ADGRL4: variants seen among roughly 807,000 people sequenced by gnomAD.
ADGRL4 encodes EGF, latrophilin and seven transmembrane domain containing 1.
In ADGRL4, 90 loss-of-function variants were observed where a neutral mutation model predicts 74.8. The ratio of observed to expected loss-of-function variants is 1.20; its 90% CI spans 1.02 to 1.43. ADGRL4 has a LOEUF of 1.43. Among genes scored for constraint, ADGRL4 ranks in the 40% most tolerant of loss-of-function variants. The pLI, the probability that ADGRL4 is intolerant of heterozygous loss-of-function variation, is 0.00. For missense variants in ADGRL4, 881 were observed against 814.3 expected, an observed-to-expected ratio of 1.08 and a Z score of -1.00; for synonymous variants, 311 against 279.2, an observed-to-expected ratio of 1.11 and a Z score of -1.14.
chr1:78,924,239 C>T (rs1171638862), intron 8 of ADGRL4, among the ~76,000 whole-genome samples: 1 of 151,884 alleles, frequency 6.6e-6, no homozygotes, highest in East Asian at 1.9e-4. Context: ...ATTTATCTAA[C>T]TAATATAAGG....
intron 2 of ADGRL4, among the ~76,000 whole-genome samples, chr1:78,978,888 C>A (rs1018498108): frequency 1.3e-5 from 2 of 151,884 alleles, no homozygotes; most frequent in Admixed American, 1.3e-4. Context: ...TTTGTCCTAA[C>A]ATCCTATAAA....
intron 2 of ADGRL4, among the ~76,000 whole-genome samples, chr1:79,002,072 T>A (rs1650855308): frequency 6.6e-6 from 1 of 152,122 alleles, no homozygotes; most frequent in Non-Finnish European, 1.5e-5. Context: ...ACATTAGCAA[T>A]TTCCTTTGGA....
At position 78,939,220 on chromosome 1, in the gene ADGRL4, T is replaced by C. The variant is rs745409718; in HGVS notation, c.364A>G (p.Ile122Val). Residue 122 changes from isoleucine (I) to valine (V), a missense_variant, in exon 4 of 15, where the codon ATA becomes GTA. By Grantham distance (29) the Ile-to-Val change is conservative. Coordinates refer to ENST00000370742, the MANE Select transcript of ADGRL4 (RefSeq NM_022159.4). ...AAAGTTTTATTAATATTTGCAGCTA[T>C]ACAGACATTATCTAAATGGCAGTTT... Reference protein sequence around the residue: ...NANCHLDNVCIAANINKTLTK... With the variant: ...NANCHLDNVCVAANINKTLTK... 1.3e-6 allele frequency: 2 copies of C among 1,568,338 alleles called. No homozygotes were observed. Among genetic ancestry groups the C allele is most frequent in the African/African-American group, 1.4e-5 (1 of 72,792 alleles).
intron 2 of ADGRL4, among the ~76,000 whole-genome samples, chr1:78,965,368 T>C (rs1650034383): frequency 1.3e-5 from 2 of 152,178 alleles, no homozygotes; most frequent in African/African-American, 4.8e-5. Flanking sequence ...TGCTTGTTTA[T>C]AGTATACAAA....
chr1:78,980,511 A>G (rs1650377135), intron 2 of ADGRL4, among the ~76,000 whole-genome samples: 2 of 151,962 alleles, frequency 1.3e-5, no homozygotes, highest in African/African-American at 4.8e-5. Context: ...TCTATAATTA[A>G]AAGACTTTTA....
In ADGRL4 at chr1:78,957,395, T is replaced by C. The variant is rs1301006572; in HGVS notation, c.173-10969A>G. On this transcript the variant is annotated intron_variant, in intron 2 of 14. Coordinates refer to ENST00000370742, the MANE Select transcript of ADGRL4 (RefSeq NM_022159.4). ...TTGCACCAAACAGCCAAGTTGTGAA[T>C]GCAGAGGAAAAGCTCTTGAAGGAAA... is the stretch of plus-strand genomic sequence containing the variant. Among the ~76,000 whole-genome samples, 4 of 152,164 alleles carry C rather than the reference T, an allele frequency of 2.6e-5. No homozygotes were observed. The East Asian group carries it at 7.7e-4, about 29-fold the overall frequency.
intron 2 of ADGRL4, among the ~76,000 whole-genome samples, chr1:78,953,580 T>C (rs963502978): frequency 6.6e-6 from 1 of 152,238 alleles, no homozygotes; most frequent in Admixed American, 6.5e-5. Context: ...CTGAACAGAA[T>C]GAAATACATT....
intron 2 of ADGRL4, among the ~76,000 whole-genome samples, chr1:78,970,541 T>A (rs4376689): frequency 0.09 from 13,633 of 152,136 alleles, 825 homozygotes; most frequent in East Asian, 0.35. Context: ...TCACCAGGAC[T>A]CAGGAATGCA....
At chr1:78,949,152 T>C (rs1453434094) in intron 2 of ADGRL4, among the ~76,000 whole-genome samples, 2 of 151,992 alleles carry the variant, frequency 1.3e-5, no homozygotes, top group Admixed American at 1.3e-4. Flanking sequence ...TGCAAAAATA[T>C]AGAGAAAAAG....
intron 12 of ADGRL4, among the ~76,000 whole-genome samples, chr1:78,903,057 G>GA (rs1415166248): frequency 3.3e-5 from 5 of 152,088 alleles, no homozygotes; most frequent in Non-Finnish European, 7.4e-5. Flanking sequence ...TTTTCCCACG[G>GA]AAAAATTAAA....
chr1:78,962,600 TTTTTC>T (rs1432217603), intron 2 of ADGRL4, among the ~76,000 whole-genome samples: 1 of 152,154 alleles, frequency 6.6e-6, no homozygotes, highest in Non-Finnish European at 1.5e-5. Flanking sequence ...GGATAACATC[TTTTTC>T]TTTTGATATT....
chr1:78,982,851 A>T (rs1650423329), intron 2 of ADGRL4, among the ~76,000 whole-genome samples: 1 of 151,862 alleles, frequency 6.6e-6, no homozygotes. Context: ...AGAGGTAAGG[A>T]CTGCACCTGT....
At chr1:78,936,789 C>G (rs1241823767) in intron 6 of ADGRL4, among the ~76,000 whole-genome samples, 4 of 152,068 alleles carry the variant, frequency 2.6e-5, no homozygotes, top group African/African-American at 7.2e-5. Flanking sequence ...GTGATAATTC[C>G]TTTGACCTGC....
intron 7 of ADGRL4, among the ~76,000 whole-genome samples, chr1:78,927,399 T>A (rs978038695): frequency 1.3e-5 from 2 of 152,020 alleles, no homozygotes; most frequent in Non-Finnish European, 2.9e-5. Context: ...AGAACCAGAG[T>A]GTGAAGTGTA....
intron 2 of ADGRL4, among the ~76,000 whole-genome samples, chr1:78,973,137 T>A (rs901753118): frequency 2.6e-5 from 4 of 152,170 alleles, no homozygotes; most frequent in Non-Finnish European, 5.9e-5. Flanking sequence ...AAGGCATTTT[T>A]AAAAATAGAT....
At chr1:78,971,537 G>A (rs1300347817) in intron 2 of ADGRL4, among the ~76,000 whole-genome samples, 1 of 152,114 alleles carries the variant, frequency 6.6e-6, no homozygotes, top group African/African-American at 2.4e-5. Context: ...AAGGCAGGAA[G>A]CACACTAGCA....
intron 2 of ADGRL4, among the ~76,000 whole-genome samples, chr1:78,959,353 T>C (rs1402882864): frequency 6.6e-6 from 1 of 152,172 alleles, no homozygotes; most frequent in African/African-American, 2.4e-5. Context: ...TGGCAAAGTA[T>C]ATTTAGAAAC....
intron 2 of ADGRL4, among the ~76,000 whole-genome samples, chr1:78,981,561 G>A (rs1412952804): frequency 2.6e-5 from 4 of 151,798 alleles, no homozygotes; most frequent in Admixed American, 2.6e-4. Context: ...GTAAATATTG[G>A]TTGGTATAAT....
intron 2 of ADGRL4, among the ~76,000 whole-genome samples, chr1:78,985,522 C>T (rs1417042663): frequency 3.3e-5 from 5 of 151,770 alleles, no homozygotes; most frequent in Non-Finnish European, 7.4e-5. Context: ...ACTGTTGTTA[C>T]ACAATTGGTA....
Sources: allele counts gnomAD v4.1 joint callset (sites outside exome capture counted in the v4.1 genomes callset), GRCh38; gene constraint gnomAD v4.1.1; transcripts MANE v1.5; gene names NCBI Gene and HGNC (gene_info 2026-07-23, HGNC 2026-07-21).